The following ITSN1 variants were observed in gnomAD, a reference collection of about 807,000 sequenced individuals.
The protein encoded by ITSN1 is intersectin-1.
A neutral mutation model predicts 239.8 loss-of-function variants in ITSN1; 58 were observed. That is an observed-to-expected ratio of 0.24 (90% CI 0.20 to 0.30). ITSN1 has a LOEUF of 0.30. ITSN1 is among the 10% of genes least tolerant of loss of function. The pLI, the probability that ITSN1 is intolerant of heterozygous loss-of-function variation, is 1.00. For synonymous variants in ITSN1, 780 were observed against 770.8 expected, an observed-to-expected ratio of 1.01 and a Z score of -0.20; for missense variants, 1,558 against 2,103.3, an observed-to-expected ratio of 0.74 and a Z score of 5.07.
chr21:33,841,937 CTT>C (rs60218190), intron 29 of ITSN1, among the ~76,000 whole-genome samples: 3,812 of 131,892 alleles, frequency 0.029, 162 homozygotes, highest in African/African-American at 0.1. Flanking sequence ...CTCTTGGGCA[CTT>C]TTTTTTTTTT....
chr21:33,792,508 T>C (rs2071218728), intron 16 of ITSN1, among the ~76,000 whole-genome samples: 1 of 152,238 alleles, frequency 6.6e-6, no homozygotes, highest in Non-Finnish European at 1.5e-5. Context: ...GAAATTTTCA[T>C]TCATATTATT....
intron 1 of ITSN1, among the ~76,000 whole-genome samples, chr21:33,645,091 T>G (rs1269267742): frequency 6.6e-6 from 1 of 152,224 alleles, no homozygotes; most frequent in Non-Finnish European, 1.5e-5. Flanking sequence ...CCCAAAGAGC[T>G]AGGATTAGAG....
chr21:33,850,662 A>T (rs2075132673), intron 29 of ITSN1, among the ~76,000 whole-genome samples: 1 of 152,186 alleles, frequency 6.6e-6, no homozygotes, highest in African/African-American at 2.4e-5. Flanking sequence ...ACACAACTTC[A>T]TGGCTTGGAG....
intron 1 of ITSN1, among the ~76,000 whole-genome samples, chr21:33,661,690 G>T (rs1029690652): frequency 1.3e-5 from 2 of 152,140 alleles, no homozygotes; most frequent in African/African-American, 4.8e-5. Context: ...GACCTGATGG[G>T]AGATAACTGA....
rs185929074 is a variant in ITSN1, at chr21:33,804,813, G to A, written c.2319+2369G>A. ...CACATTGCAAGAATTGTCTTAGGCT[G>A]CACATAAAATACACTAACACTAATA... On this transcript the variant is annotated intron_variant, in intron 20 of 39. Coordinates refer to ENST00000381318, the MANE Select transcript of ITSN1 (RefSeq NM_003024.3). Among the ~76,000 whole-genome samples, 386 of 152,198 alleles carry A rather than the reference G, an allele frequency of 2.5e-3. 6 individuals are homozygous for A. The highest frequency in any genetic ancestry group is 8.6e-3 in the African/African-American group (357 of 41,526).
rs1569122140 is a variant in ITSN1, at chr21:33,761,973, C to T, written c.775C>T (p.Leu259=). The T allele has an allele frequency of 6.2e-7, 1 of 1,613,106 alleles. No homozygotes were observed. The highest frequency in any genetic ancestry group is 2.2e-5 in the East Asian group (1 of 44,864). ...LMQSSLPQAQ[L]ASIWNLSDID... Reference sequence around the variant, plus strand: ...GCAGTCAAGTTTACCACAGGCTCAGCTGGCTTCAATATGGTAAGGAATGAA... The same window carrying T: ...GCAGTCAAGTTTACCACAGGCTCAGTTGGCTTCAATATGGTAAGGAATGAA... Residue 259 remains leucine (L), a synonymous_variant, in exon 9 of 40, where the codon CTG becomes TTG. Transcript: ENST00000381318.
In ITSN1 at chr21:33,891,259, G is replaced by T. The variant is rs1447390196; in HGVS notation, c.*2959G>T. 2.6e-5 allele frequency: 4 copies of T among 152,222 alleles called. No individual in the cohort carries two copies. In the East Asian group the frequency reaches 7.7e-4, roughly 29 times the overall value. 9.4% of individuals were successfully genotyped at this position (152,222 alleles called of 1,614,324 possible). ...GTCACCAGGGATGCTTGAGAAACTA[G>T]AGCCAGACTTCCTTGTTTGTTTGGA... On this transcript the variant is annotated 3_prime_UTR_variant, in exon 40 of 40. Coordinates refer to ENST00000381318, the MANE Select transcript of ITSN1 (RefSeq NM_003024.3).
At chr21:33,794,791 G>A (rs893878309) in intron 17 of ITSN1, among the ~76,000 whole-genome samples, 1 of 151,594 alleles carries the variant, frequency 6.6e-6, no homozygotes, top group Non-Finnish European at 1.5e-5. Context: ...AGCTAACAGG[G>A]GTTGGAGTGC....
intron 1 of ITSN1, among the ~76,000 whole-genome samples, chr21:33,700,951 C>CTGTGTGTGTGTGTGTG (rs72389168): frequency 1.9e-3 from 272 of 141,852 alleles, no homozygotes; most frequent in African/African-American, 6.8e-3. Flanking sequence ...TTTCTTTTTT[C>CTGTGTGTGTGTGTGTG]TGTGTGTGTG....
At chr21:33,736,490 C>T (rs981003217) in intron 5 of ITSN1, among the ~76,000 whole-genome samples, 1 of 152,168 alleles carries the variant, frequency 6.6e-6, no homozygotes, top group African/African-American at 2.4e-5. Flanking sequence ...AAAGAAAAAT[C>T]CATATATGAG....
intron 39 of ITSN1, among the ~76,000 whole-genome samples, chr21:33,887,324 A>AG (rs1985951437): frequency 6.6e-6 from 1 of 151,798 alleles, no homozygotes. Context: ...GTCTCCAAAA[A>AG]AAAAAAAATC....
At chr21:33,789,466 C>G (rs1404939013) in intron 16 of ITSN1, among the ~76,000 whole-genome samples, 1 of 152,056 alleles carries the variant, frequency 6.6e-6, no homozygotes, top group Admixed American at 6.5e-5. Context: ...GTTTTTGTCT[C>G]TCATTTCCAA....
chr21:33,817,120 A>G, intron 22 of ITSN1: 6 of 1,174,722 alleles, frequency 5.1e-6, no homozygotes, highest in Non-Finnish European at 6.6e-6. Context: ...TTGTCCATTC[A>G]TATATATGAT....
At chr21:33,746,714 C>T (rs372150274) in intron 5 of ITSN1, among the ~76,000 whole-genome samples, 7 of 151,710 alleles carry the variant, frequency 4.6e-5, no homozygotes, top group Admixed American at 1.3e-4. Context: ...TGATGGCAGG[C>T]GCCTATAATC....
chr21:33,808,129 G>A (rs1390950662), intron 20 of ITSN1, among the ~76,000 whole-genome samples: 1 of 151,906 alleles, frequency 6.6e-6, no homozygotes, highest in Non-Finnish European at 1.5e-5. Flanking sequence ...GGAGCTTGCA[G>A]TGAGCCGAGA....
intron 24 of ITSN1, 125 bp from the exon 25 acceptor site, chr21:33,823,362 A>G: frequency 1.2e-6 from 1 of 821,364 alleles, no homozygotes; most frequent in Non-Finnish European, 2.0e-6. Context: ...TTTATCTGTG[A>G]CTAGCCTTTC....
chr21:33,829,582 G>A, intron 26 of ITSN1, 42 bp from the exon 27 acceptor site: 1 of 1,604,366 alleles, frequency 6.2e-7, no homozygotes, highest in South Asian at 1.1e-5. Context: ...TTCTCCTGCT[G>A]ACTCTTAACA....
chr21:33,837,196 ATTAC>A, intron 29 of ITSN1: 3 of 1,297,232 alleles, frequency 2.3e-6, no homozygotes, highest in Non-Finnish European at 2.0e-6. Context: ...TGTTTGAGTT[ATTAC>A]TTGCAGAGAT....
intron 1 of ITSN1, among the ~76,000 whole-genome samples, chr21:33,667,970 G>A (rs893915783): frequency 3.3e-5 from 5 of 152,108 alleles, no homozygotes; most frequent in Non-Finnish European, 7.4e-5. Flanking sequence ...AGGGAGCAAG[G>A]ATAGGAGGAT....
Sources: gnomAD v4.1 joint callset for allele counts (sites outside exome capture counted in the v4.1 genomes callset) on GRCh38, gnomAD v4.1.1 for gene constraint, MANE v1.5 for transcripts, NCBI Gene and HGNC (gene_info 2026-07-23, HGNC 2026-07-21) for gene names.